YEATS4: variants seen among roughly 807,000 people sequenced by gnomAD.
YEATS4 encodes the protein YEATS domain-containing protein 4.
A neutral mutation model predicts 30.1 loss-of-function variants in YEATS4; 17 were observed. The ratio of observed to expected loss-of-function variants is 0.56; its 90% CI spans 0.39 to 0.85. The LOEUF (loss-of-function observed/expected upper bound fraction) is 0.85, where lower values mean the gene tolerates loss of function less well. Among genes scored for constraint, YEATS4 ranks in the 40% least tolerant of loss-of-function variants. YEATS4 has a pLI of 0.00. For synonymous variants in YEATS4, 85 were observed against 87.5 expected (o/e 0.97, Z 0.16); for missense variants, 142 against 268.3 (o/e 0.53, Z 3.29).
At chr12:69,421,694 GA>G in the YEATS4 span, among the ~76,000 whole-genome samples, 2 of 152,160 alleles carry the variant, frequency 1.3e-5, no homozygotes, top group Non-Finnish European at 2.9e-5. Flanking sequence ...CTAGGCGGCT[GA>G]AAATTCAAAT....
At chr12:69,364,042 T>C (rs1235971054) in intron 2 of YEATS4, 1 of 240,408 alleles carries the variant, frequency 4.2e-6, no homozygotes, top group Non-Finnish European at 8.6e-6. Context: ...AGATAAGTGG[T>C]TGCTAGTGGG....
At chr12:69,377,192 G>C (rs991088138) in intron 6 of YEATS4, among the ~76,000 whole-genome samples, 3 of 151,606 alleles carry the variant, frequency 2.0e-5, no homozygotes, top group African/African-American at 7.3e-5. Context: ...TTTTTACTCT[G>C]ATCTTTTTTC....
chr12:69,422,939 C>G, the YEATS4 span: 1 of 152,212 alleles, frequency 6.6e-6, no homozygotes. Context: ...ATCCAATACC[C>G]CTCCCTGATT....
the YEATS4 span, among the ~76,000 whole-genome samples, chr12:69,397,312 T>C: frequency 1.3e-5 from 2 of 152,318 alleles, no homozygotes; most frequent in African/African-American, 4.8e-5. Flanking sequence ...AAAGAAGTAA[T>C]TATAATCATT....
chr12:69,396,483 A>C, the YEATS4 span, among the ~76,000 whole-genome samples: 1 of 152,242 alleles, frequency 6.6e-6, no homozygotes, highest in Non-Finnish European at 1.5e-5. Flanking sequence ...TCCAAGAAAG[A>C]AGAAATCTGT....
rs528327241 is a variant in YEATS4 at position 69,363,958 on chromosome 12, A to T, written c.171+1051A>T. ...ATGCTAAGTAAAAGAAGCCAAATAT[A>T]AAAAAGGCCAAATATTATATGCTTT... On this transcript the variant is annotated intron_variant, in intron 2 of 6. Transcript: ENST00000247843. Among the ~76,000 whole-genome samples, 339 of 152,352 alleles carry T rather than the reference A, an allele frequency of 2.2e-3. 3 individuals carry two copies. The highest frequency in any genetic ancestry group is 7.8e-3 in the African/African-American group (324 of 41,582).
At chr12:69,420,081 T>G in the YEATS4 span, among the ~76,000 whole-genome samples, 2 of 152,220 alleles carry the variant, frequency 1.3e-5, no homozygotes, top group Non-Finnish European at 2.9e-5. Flanking sequence ...GGGTTGTCAT[T>G]GTCTTTGAGG....
the YEATS4 span, among the ~76,000 whole-genome samples, chr12:69,416,045 C>T: frequency 6.6e-6 from 1 of 152,196 alleles, no homozygotes; most frequent in Non-Finnish European, 1.5e-5. Flanking sequence ...TTACACCAGC[C>T]TTGGAAGCCA....
At chr12:69,366,445 C>T (rs1419314250) in intron 4 of YEATS4, among the ~76,000 whole-genome samples, 2 of 152,094 alleles carry the variant, frequency 1.3e-5, no homozygotes, top group East Asian at 3.9e-4. Context: ...GTTGTGATAC[C>T]CTCATTTTAG....
intron 6 of YEATS4, among the ~76,000 whole-genome samples, chr12:69,373,346 A>G (rs756483440): frequency 5.9e-5 from 9 of 152,140 alleles, no homozygotes; most frequent in Non-Finnish European, 1.0e-4. Flanking sequence ...CAGGCATGAG[A>G]TGACATCTCA....
At chr12:69,360,713 T>C (rs890561393) in intron 1 of YEATS4, among the ~76,000 whole-genome samples, 1 of 151,274 alleles carries the variant, frequency 6.6e-6, no homozygotes, top group African/African-American at 2.4e-5. Flanking sequence ...TTGCCCAGGC[T>C]GGAGCGCAAT....
At chr12:69,409,308 T>C in the YEATS4 span, among the ~76,000 whole-genome samples, 3 of 152,166 alleles carry the variant, frequency 2.0e-5, no homozygotes, top group African/African-American at 7.2e-5. Context: ...TAGAACCTAG[T>C]TAATGCTCAA....
intron 6 of YEATS4, among the ~76,000 whole-genome samples, chr12:69,376,459 A>G (rs1380034833): frequency 6.6e-5 from 10 of 152,262 alleles, no homozygotes; most frequent in African/African-American, 1.4e-4. Context: ...TTCAGCATCA[A>G]TTGAAATGAT....
chr12:69,364,734 C>T (rs1875362234), intron 2 of YEATS4, among the ~76,000 whole-genome samples: 1 of 152,156 alleles, frequency 6.6e-6, no homozygotes, highest in Non-Finnish European at 1.5e-5. Flanking sequence ...ATTCTCCTGC[C>T]TCAGCCTCCT....
intron 6 of YEATS4, among the ~76,000 whole-genome samples, chr12:69,375,032 C>T (rs1875799469): frequency 1.4e-5 from 2 of 147,854 alleles, no homozygotes; most frequent in Admixed American, 1.3e-4. Flanking sequence ...GACGGGGCAG[C>T]TGGCCGGGCG....
Position 69,359,754 on chromosome 12 carries a change from G to A in YEATS4, c.-219G>A. On this transcript the variant is annotated 5_prime_UTR_variant, in exon 1 of 7. Transcript: ENST00000247843. ...TGCGGCCGTCGCCCCTCTTTTCGCG[G>A]CGTTCTCCACCTGCGCGGGCCTGAA... The A allele has an allele frequency of 1.8e-6, 1 of 556,926 alleles. No homozygotes were observed. Among genetic ancestry groups the A allele is most frequent in the Non-Finnish European group, 3.1e-6 (1 of 320,774 alleles). 34.5% of individuals were successfully genotyped at this position (556,926 alleles called of 1,614,324 possible).
chr12:69,373,089 A>G (rs1875707878), intron 6 of YEATS4, among the ~76,000 whole-genome samples: 1 of 152,238 alleles, frequency 6.6e-6, no homozygotes, highest in South Asian at 2.1e-4. Flanking sequence ...ATAGTACTGC[A>G]ATAACATAAA....
chr12:69,391,674 C>A (rs1286976238), downstream of YEATS4, among the ~76,000 whole-genome samples: 1 of 152,172 alleles, frequency 6.6e-6, no homozygotes, highest in Admixed American at 6.5e-5. Flanking sequence ...GTGGTACTTT[C>A]AATTGTGCCA....
chr12:69,419,620 A>G, the YEATS4 span, among the ~76,000 whole-genome samples: 1 of 152,192 alleles, frequency 6.6e-6, no homozygotes, highest in African/African-American at 2.4e-5. Context: ...GCCCCGGCTT[A>G]GTACCTGCCG....
Sources: allele counts gnomAD v4.1 joint callset (sites outside exome capture counted in the v4.1 genomes callset), GRCh38; gene constraint gnomAD v4.1.1; transcripts MANE v1.5; gene names NCBI Gene and HGNC (gene_info 2026-07-23, HGNC 2026-07-21).